Variants in LHPP observed in about 807,000 individuals in gnomAD.
LHPP encodes phospholysine phosphohistidine inorganic pyrophosphate phosphatase.
In LHPP, 24 loss-of-function variants were observed where a neutral mutation model predicts 30.3. That is an observed-to-expected ratio of 0.79 (90% CI 0.57 to 1.11). LHPP has a LOEUF of 1.11. Among genes scored for constraint, LHPP ranks in the 50% most tolerant of loss-of-function variants. The pLI is 0.00. For missense variants in LHPP, 356 were observed against 367.2 expected (o/e 0.97, Z 0.25); for synonymous variants, 150 against 157.1 (o/e 0.95, Z 0.34).
intron 6 of LHPP, among the ~76,000 whole-genome samples, chr10:124,603,859 G>A (rs943154978): frequency 2.0e-5 from 3 of 152,218 alleles, no homozygotes; most frequent in Admixed American, 6.5e-5. Flanking sequence ...GGGAGGACAC[G>A]GGCCTGAGGG....
At position 124,596,529 on chromosome 10, in the gene LHPP, G is replaced by A. The variant is rs951906962; in HGVS notation, c.717-16735G>A. 2.6e-5 allele frequency among the ~76,000 whole-genome samples: 4 copies of A among 152,150 alleles called. No individual in the cohort carries two copies. The highest frequency in any genetic ancestry group is 1.3e-4 in the Admixed American group (2 of 15,278). On this transcript the variant is annotated intron_variant, in intron 6 of 6. Coordinates refer to ENST00000368842, the MANE Select transcript of LHPP (RefSeq NM_022126.4). This position sits in a 1 kb window ranked among gnomAD's most constrained non-coding sequence, Gnocchi z 4.6. ...TGGAACACACACAGAGTGGGCCGGC[G>A]CTCATAAGCAGTCCCGTGTGAATCC...
At chr10:124,584,454 T>C (rs1589693990) in intron 6 of LHPP, among the ~76,000 whole-genome samples, 1 of 152,052 alleles carries the variant, frequency 6.6e-6, no homozygotes, top group Non-Finnish European at 1.5e-5. Flanking sequence ...GGTAGGTTGG[T>C]GTCTGGTGAG....
chr10:124,468,070 G>T (rs1453589723), intron 1 of LHPP, among the ~76,000 whole-genome samples: 2 of 152,102 alleles, frequency 1.3e-5, no homozygotes, highest in African/African-American at 2.4e-5. Context: ...AATCCTTCAG[G>T]GAGAAGGGGG....
In LHPP at chr10:124,613,418, CCCT is replaced by C; in HGVS notation, c.*61_*63del. The C allele has an allele frequency of 9.3e-7, 1 of 1,072,986 alleles. No individual in the cohort carries two copies. Among genetic ancestry groups the C allele is most frequent in the South Asian group, 1.2e-5 (1 of 80,254 alleles). The allele number at this position is 1,072,986 out of a possible 1,614,324, so 66.5% of individuals were successfully genotyped here. ...CCTGCCTCTCCTCCACCCCTGCCTC[CCCT>C]CCACCCCTGCCTCTCCTCCACCCGC... On this transcript the variant is annotated 3_prime_UTR_variant, in exon 7 of 7. Coordinates refer to ENST00000368842, the MANE Select transcript of LHPP (RefSeq NM_022126.4).
rs868442518 is a variant in LHPP at position 124,510,993 on chromosome 10, C to T, written c.625-6187C>T. ...CAGACACTGGTGCTGGTCCCATTCCCGGGAGCACGCGGTGCCACTGGCTGT... is the reference window on the plus strand; with the variant it reads ...CAGACACTGGTGCTGGTCCCATTCCTGGGAGCACGCGGTGCCACTGGCTGT... On this transcript the variant is annotated intron_variant, in intron 5 of 6. Coordinates refer to ENST00000368842, the MANE Select transcript of LHPP (RefSeq NM_022126.4). The surrounding 1 kb of genome is among the most constrained non-coding windows in gnomAD (Gnocchi z 4.0). Among the ~76,000 whole-genome samples, 9 of 152,324 alleles carry T rather than the reference C, an allele frequency of 5.9e-5. No individual in the cohort carries two copies. Among genetic ancestry groups the T allele is most frequent in the Non-Finnish European group, 8.8e-5 (6 of 68,036 alleles).
chr10:124,574,877 C>T lies in LHPP; in HGVS notation c.717-38387C>T, dbSNP rs535764019. Among the ~76,000 whole-genome samples the T allele has an allele frequency of 2.0e-4, 30 of 152,214 alleles. 2 individuals are homozygous for T. In the South Asian group the frequency reaches 6.0e-3, roughly 30 times the overall value. On this transcript the variant is annotated intron_variant, in intron 6 of 6. Transcript: ENST00000368842. ...CTCCAGGCTTGGGCCCACTGCTGTCCTTCTCCACTCTCTCCCCAGGGAACC... is the reference window on the plus strand; with the variant it reads ...CTCCAGGCTTGGGCCCACTGCTGTCTTTCTCCACTCTCTCCCCAGGGAACC...
At chr10:124,604,270 C>T (rs1949065167) in intron 6 of LHPP, among the ~76,000 whole-genome samples, 1 of 152,212 alleles carries the variant, frequency 6.6e-6, no homozygotes, top group Non-Finnish European at 1.5e-5. Flanking sequence ...GTAAGGAGGC[C>T]ACCGACCCTC....
intron 6 of LHPP, among the ~76,000 whole-genome samples, chr10:124,529,673 G>A (rs1484738314): frequency 1.3e-5 from 2 of 152,170 alleles, no homozygotes; most frequent in East Asian, 1.9e-4. Flanking sequence ...CCATCCGTGA[G>A]GGGGAGGACG....
chr10:124,487,325 C>T (rs2048179716), intron 2 of LHPP, among the ~76,000 whole-genome samples: 1 of 152,206 alleles, frequency 6.6e-6, no homozygotes, highest in Admixed American at 6.5e-5. Flanking sequence ...ACACGTCCTC[C>T]ATCTGCTGCA....
rs192674801 is a variant in LHPP, at chr10:124,467,899, G to A, written c.125+5912G>A. Among the ~76,000 whole-genome samples the A allele has an allele frequency of 3.2e-4, 48 of 152,136 alleles. No homozygotes were observed. The East Asian group carries it at 8.5e-3, about 27-fold the overall frequency. ...AATCATTTGTATTTTTAGTAGAGACGGGGTTTCACCATGTTGACCAGGCTG... is the reference window on the plus strand; with the variant it reads ...AATCATTTGTATTTTTAGTAGAGACAGGGTTTCACCATGTTGACCAGGCTG... On this transcript the variant is annotated intron_variant, in intron 1 of 6. Transcript: ENST00000368842.
chr10:124,547,922 C>A (rs1187844779), intron 6 of LHPP, among the ~76,000 whole-genome samples: 1 of 152,234 alleles, frequency 6.6e-6, no homozygotes, highest in Non-Finnish European at 1.5e-5. Flanking sequence ...TTAGAATAAT[C>A]CACATGGCCC....
chr10:124,509,114 A>G (rs11595498), intron 5 of LHPP, among the ~76,000 whole-genome samples: 61,056 of 151,886 alleles, frequency 0.4, 12,617 homozygotes, highest in South Asian at 0.51. Flanking sequence ...TATAAGTGCA[A>G]ACACACAGTA....
chr10:124,527,780 T>G (rs1439349544), intron 6 of LHPP, among the ~76,000 whole-genome samples: 3 of 126,142 alleles, frequency 2.4e-5, no homozygotes, highest in African/African-American at 2.8e-5. Context: ...TGCTTTTTTT[T>G]TTTTGTTTTT....
At chr10:124,516,804 A>T (rs1468648888) in intron 5 of LHPP, among the ~76,000 whole-genome samples, 1 of 152,192 alleles carries the variant, frequency 6.6e-6, no homozygotes, top group Non-Finnish European at 1.5e-5. Flanking sequence ...CTTCACTTTC[A>T]TGGAATCAAG....
At chr10:124,533,085 T>A (rs1357391004) in intron 6 of LHPP, among the ~76,000 whole-genome samples, 2 of 152,230 alleles carry the variant, frequency 1.3e-5, no homozygotes, top group African/African-American at 4.8e-5. Context: ...AATACATGGC[T>A]GCAGGAGGTA....
intron 5 of LHPP, among the ~76,000 whole-genome samples, chr10:124,502,457 T>G (rs60441558): frequency 2.0e-5 from 3 of 151,066 alleles, no homozygotes; most frequent in Middle Eastern, 6.4e-3. Flanking sequence ...CTCCGCCTCC[T>G]GGGTTCACGC....
intron 6 of LHPP, among the ~76,000 whole-genome samples, chr10:124,589,270 G>A (rs1408573075): frequency 6.6e-6 from 1 of 152,234 alleles, no homozygotes; most frequent in Non-Finnish European, 1.5e-5. Flanking sequence ...CTGATACATG[G>A]GACCTCTGTC....
chr10:124,489,016 GTC>G (rs1266959283), intron 3 of LHPP, among the ~76,000 whole-genome samples: 2 of 152,224 alleles, frequency 1.3e-5, no homozygotes, highest in African/African-American at 2.4e-5. Context: ...GGCACCGACA[GTC>G]TCTGGCCACA....
At chr10:124,480,490 G>C (rs1047103212) in intron 1 of LHPP, among the ~76,000 whole-genome samples, 2 of 152,116 alleles carry the variant, frequency 1.3e-5, no homozygotes, top group African/African-American at 2.4e-5. Context: ...CACATCGATT[G>C]CTCACTGTTC....
Sources: gnomAD v4.1 joint callset for allele counts (sites outside exome capture counted in the v4.1 genomes callset) on GRCh38, gnomAD v4.1.1 for gene constraint, Gnocchi (gnomAD v3.1) non-coding constraint, MANE v1.5 for transcripts, NCBI Gene and HGNC (gene_info 2026-07-23, HGNC 2026-07-21) for gene names.